The following UBE2H variants were observed in gnomAD, a reference collection of about 807,000 sequenced individuals.
UBE2H encodes ubiquitin conjugating enzyme E2 H, also known as ubiquitin-conjugating enzyme E2 H.
UBE2H carries 3 observed loss-of-function variants against 29.0 expected under a neutral mutation model. That is an observed-to-expected ratio of 0.10 (90% CI 0.05 to 0.27). The LOEUF (loss-of-function observed/expected upper bound fraction) is 0.27, where lower values mean the gene tolerates loss of function less well. UBE2H is among the 10% of genes least tolerant of loss of function. The pLI is 1.00. For missense variants in UBE2H, 68 were observed against 228.2 expected (o/e 0.30, Z 4.52); for synonymous variants, 69 against 82.9 (o/e 0.83, Z 0.91).
At chr7:129,841,118 C>T (rs79578726) in intron 5 of UBE2H, among the ~76,000 whole-genome samples, 26 of 152,124 alleles carry the variant, frequency 1.7e-4, no homozygotes, top group African/African-American at 5.6e-4. Context: ...TAGATAAAAG[C>T]GGTAGGCAAA....
intron 1 of UBE2H, among the ~76,000 whole-genome samples, chr7:129,930,163 C>T (rs141602546): frequency 1.2e-3 from 187 of 152,196 alleles, no homozygotes; most frequent in African/African-American, 4.2e-3. Context: ...ACGCTTTACA[C>T]TCTGTATTTT....
chr7:129,945,257 T>C (rs994324468), intron 1 of UBE2H, among the ~76,000 whole-genome samples: 3 of 152,208 alleles, frequency 2.0e-5, no homozygotes, highest in Admixed American at 6.5e-5. Flanking sequence ...CAGTTAACTG[T>C]ATGTCAATTA....
At chr7:129,901,401 C>G (rs1009210837) in intron 1 of UBE2H, among the ~76,000 whole-genome samples, 6 of 152,098 alleles carry the variant, frequency 3.9e-5, no homozygotes, top group African/African-American at 1.4e-4. Context: ...AGGTGACCAA[C>G]AGCGAGACTG....
chr7:129,900,687 G>A (rs963426809), intron 1 of UBE2H, among the ~76,000 whole-genome samples: 17 of 151,004 alleles, frequency 1.1e-4, no homozygotes, highest in Admixed American at 9.9e-4. Context: ...AGTTACATAC[G>A]TATACATGTA....
chr7:129,887,934 T>C (rs897887166), intron 1 of UBE2H, among the ~76,000 whole-genome samples: 9 of 152,144 alleles, frequency 5.9e-5, no homozygotes, highest in Non-Finnish European at 1.0e-4. Flanking sequence ...AGACTTTACA[T>C]TGAAAGAGAA....
Position 129,833,765 on chromosome 7 carries a change from ACCTGTGTTGGGT to A in UBE2H, c.*1160_*1171del, listed in dbSNP as rs1805272894. 6.6e-6 allele frequency: 1 copy of A among 152,024 alleles called. No individual in the cohort carries two copies. The highest frequency in any genetic ancestry group is 2.1e-4 in the South Asian group (1 of 4,822). The allele number at this position is 152,024 out of a possible 1,614,324, so 9.4% of individuals were successfully genotyped here. A position where few individuals can be genotyped will look rare whatever the true frequency, so the allele number is the denominator to read the frequency against. The stretch of plus-strand genomic sequence containing the variant: ...AATTATTATTTGTTTTAAATTTAGA[ACCTGTGTTGGGT>A]CTAAAATACCCATTTCCCACTCCCA... On this transcript the variant is annotated 3_prime_UTR_variant, in exon 7 of 7. Coordinates refer to ENST00000355621, the MANE Select transcript of UBE2H (RefSeq NM_003344.4).
chr7:129,891,821 A>C (rs1372761967), intron 1 of UBE2H, among the ~76,000 whole-genome samples: 3 of 152,084 alleles, frequency 2.0e-5, no homozygotes, highest in Non-Finnish European at 2.9e-5. Flanking sequence ...AAAAAAAAAA[A>C]AAAAAACACA....
intron 1 of UBE2H, among the ~76,000 whole-genome samples, chr7:129,883,161 G>A (rs1167543603): frequency 6.6e-6 from 1 of 152,206 alleles, no homozygotes; most frequent in African/African-American, 2.4e-5. Flanking sequence ...CTAGTGTTCA[G>A]TGGAGTACGA....
intron 1 of UBE2H, among the ~76,000 whole-genome samples, chr7:129,888,413 A>G (rs904373736): frequency 6.6e-6 from 1 of 152,092 alleles, no homozygotes; most frequent in Admixed American, 6.5e-5. Context: ...GCACTTCAGG[A>G]GGCTGAGGTG....
intron 1 of UBE2H, among the ~76,000 whole-genome samples, chr7:129,940,620 G>C (rs1276001245): frequency 2.6e-5 from 4 of 152,128 alleles, no homozygotes; most frequent in Non-Finnish European, 4.4e-5. Context: ...CTACAAAGCA[G>C]GGAGAGGCAA....
At chr7:129,940,675 CT>C (rs1295851950) in intron 1 of UBE2H, among the ~76,000 whole-genome samples, 2 of 152,186 alleles carry the variant, frequency 1.3e-5, no homozygotes, top group Non-Finnish European at 2.9e-5. Flanking sequence ...CCATGTAGGG[CT>C]TCCCCAGGCT....
chr7:129,869,668 T>A (rs1241278271), intron 3 of UBE2H, among the ~76,000 whole-genome samples: 1 of 152,186 alleles, frequency 6.6e-6, no homozygotes, highest in Non-Finnish European at 1.5e-5. Context: ...TAGGCATTCA[T>A]TCACTCACAC....
chr7:129,920,848 C>CAAAAAAAAAAA (rs11347186), intron 1 of UBE2H, among the ~76,000 whole-genome samples: 38 of 73,964 alleles, frequency 5.1e-4, no homozygotes, highest in African/African-American at 6.2e-4. Flanking sequence ...TAGAAAAAGT[C>CAAAAAAAAAAA]AAAAAAAAAA....
intron 1 of UBE2H, among the ~76,000 whole-genome samples, chr7:129,933,166 T>C (rs1352610612): frequency 2.0e-5 from 3 of 152,214 alleles, no homozygotes; most frequent in Admixed American, 6.6e-5. Flanking sequence ...AAAGGCCACA[T>C]ACTTTTATGG....
chr7:129,938,413 C>CAAAAAAAAAAAA (rs34454670), intron 1 of UBE2H, among the ~76,000 whole-genome samples: 2 of 38,020 alleles, frequency 5.3e-5, no homozygotes, highest in African/African-American at 2.6e-4. Flanking sequence ...CTGCCTCATT[C>CAAAAAAAAAAAA]AAAAAAAAAA....
At chr7:129,943,893 G>T (rs928960282) in intron 1 of UBE2H, among the ~76,000 whole-genome samples, 1 of 151,878 alleles carries the variant, frequency 6.6e-6, no homozygotes, top group African/African-American at 2.4e-5. Context: ...TTTAAAAAAG[G>T]AAGATAAAGT....
intron 1 of UBE2H, among the ~76,000 whole-genome samples, chr7:129,921,694 C>CAA (rs1047164274): frequency 0.049 from 3,283 of 67,382 alleles, 107 homozygotes; most frequent in African/African-American, 0.063. Flanking sequence ...GACTCTGTCA[C>CAA]AAAAAAAAAA....
chr7:129,893,185 T>C (rs56085705), intron 1 of UBE2H, among the ~76,000 whole-genome samples: 9,695 of 152,176 alleles, frequency 0.064, 372 homozygotes, highest in Non-Finnish European at 0.092. Flanking sequence ...ACTAAATCAG[T>C]CTAGCCTTAG....
At chr7:129,886,018 T>C (rs1485580572) in intron 1 of UBE2H, among the ~76,000 whole-genome samples, 3 of 152,242 alleles carry the variant, frequency 2.0e-5, no homozygotes, top group Admixed American at 2.0e-4. Context: ...GATTTCTGGA[T>C]GTGCTGGTCA....
Sources: allele counts gnomAD v4.1 joint callset (sites outside exome capture counted in the v4.1 genomes callset), GRCh38; gene constraint gnomAD v4.1.1; transcripts MANE v1.5; gene names NCBI Gene and HGNC (gene_info 2026-07-23, HGNC 2026-07-21).